RBM6: variants seen among roughly 807,000 people sequenced by gnomAD.
RBM6 encodes RNA binding motif protein 6, also known as RNA-binding protein 6.
RBM6 carries 23 observed loss-of-function variants against 140.4 expected under a neutral mutation model. That is an observed-to-expected ratio of 0.16 (90% CI 0.12 to 0.23). The LOEUF (loss-of-function observed/expected upper bound fraction) is 0.23, where lower values mean the gene tolerates loss of function less well. Ranked by LOEUF, RBM6 falls within the 10% of genes least tolerant of loss-of-function variation. The probability of loss-of-function intolerance (pLI) is 1.00; values close to 1 mark genes in which losing one functional copy is unlikely to be tolerated. For missense variants in RBM6, 1,139 were observed against 1,386.7 expected (o/e 0.82, Z 2.84); for synonymous variants, 439 against 475.6 (o/e 0.92, Z 1.00).
At chr3:50,049,567 A>T (rs2089378360) in intron 7 of RBM6, among the ~76,000 whole-genome samples, 1 of 152,166 alleles carries the variant, frequency 6.6e-6, no homozygotes, top group Non-Finnish European at 1.5e-5. Context: ...AAAATTTAGT[A>T]AAGACTTTAG....
intron 3 of RBM6, among the ~76,000 whole-genome samples, chr3:49,969,324 G>GTT (rs528548144): frequency 2.5e-4 from 31 of 122,202 alleles, no homozygotes; most frequent in African/African-American, 8.4e-4. Flanking sequence ...TGCCTGGCCA[G>GTT]TTTTTTTTTT....
chr3:50,061,116 T>A, intron 12 of RBM6, 24 bp from the exon 13 acceptor site: 2 of 1,614,126 alleles, frequency 1.2e-6, no homozygotes, highest in Non-Finnish European at 1.7e-6. Context: ...AGTTCTGTAA[T>A]TTTAACTTGC....
intron 5 of RBM6, among the ~76,000 whole-genome samples, chr3:49,982,892 A>G (rs1363484544): frequency 6.6e-6 from 1 of 150,962 alleles, no homozygotes; most frequent in Non-Finnish European, 1.5e-5. Flanking sequence ...TTGTATTTTT[A>G]GTAGAGACAG....
intron 6 of RBM6, among the ~76,000 whole-genome samples, chr3:50,017,424 G>C (rs1315336818): frequency 2.6e-5 from 4 of 152,002 alleles, no homozygotes; most frequent in African/African-American, 9.7e-5. Flanking sequence ...TGGGTGTGGT[G>C]GTGGGCGCCT....
At chr3:50,062,833 C>T (rs2089989679) in intron 15 of RBM6, among the ~76,000 whole-genome samples, 1 of 150,532 alleles carries the variant, frequency 6.6e-6, no homozygotes. Context: ...ATAACTGTAC[C>T]TTCATTTTCT....
intron 8 of RBM6, 130 bp from the exon 9 acceptor site, chr3:50,057,598 A>G: frequency 2.0e-6 from 1 of 501,372 alleles, no homozygotes; most frequent in Non-Finnish European, 3.1e-6. Flanking sequence ...AAAAAAAAAA[A>G]AAAAAAAAAA....
At chr3:49,982,693 C>T (rs1007900130) in intron 5 of RBM6, among the ~76,000 whole-genome samples, 1 of 151,668 alleles carries the variant, frequency 6.6e-6, no homozygotes, top group Non-Finnish European at 1.5e-5. Flanking sequence ...GCTGGGATTA[C>T]AGGTGTGAGC....
At chr3:50,073,999 G>A (rs2090385045) in intron 19 of RBM6, among the ~76,000 whole-genome samples, 1 of 151,898 alleles carries the variant, frequency 6.6e-6, no homozygotes, top group South Asian at 2.1e-4. Context: ...ATGGGCTAAT[G>A]TTTGTATTTT....
At chr3:49,966,560 A>G (rs1331895246) in intron 2 of RBM6, among the ~76,000 whole-genome samples, 2 of 152,188 alleles carry the variant, frequency 1.3e-5, no homozygotes, top group Non-Finnish European at 2.9e-5. Context: ...ATTTAATACT[A>G]TGTCTATTTT....
intron 4 of RBM6, among the ~76,000 whole-genome samples, chr3:49,974,220 A>C (rs1392889989): frequency 6.6e-6 from 1 of 151,072 alleles, no homozygotes; most frequent in Non-Finnish European, 1.5e-5. Context: ...GTACCTGAGA[A>C]TTTTTAAATA....
intron 6 of RBM6, among the ~76,000 whole-genome samples, chr3:50,046,373 A>T (rs1300370698): frequency 6.6e-6 from 1 of 151,744 alleles, no homozygotes; most frequent in Admixed American, 6.6e-5. Context: ...TAAGGTTGGG[A>T]ATTCGAGACC....
At chr3:50,037,970 C>T (rs1027377380) in intron 6 of RBM6, among the ~76,000 whole-genome samples, 2 of 151,792 alleles carry the variant, frequency 1.3e-5, no homozygotes, top group African/African-American at 2.4e-5. Context: ...TACAGGCGCC[C>T]GCCACCATGC....
intron 6 of RBM6, 116 bp downstream of exon 6, chr3:49,999,629 T>C (rs2086234253): frequency 1.1e-6 from 1 of 887,108 alleles, no homozygotes; most frequent in African/African-American, 1.7e-5. Context: ...CTGTGGAGCA[T>C]ACTGTATTCC....
At chr3:50,044,488 CA>C (rs1223527024) in intron 6 of RBM6, among the ~76,000 whole-genome samples, 1 of 151,222 alleles carries the variant, frequency 6.6e-6, no homozygotes, top group East Asian at 2.0e-4. Flanking sequence ...GAGGCCGAGG[CA>C]GGAGAATTGC....
Position 50,061,970 on chromosome 3 carries a change from C to G in RBM6, c.2448C>G (p.Val816=). The change falls in exon 15 of 21, where the codon GTC becomes GTG. Residue 816 remains valine (V), a synonymous_variant. Coordinates refer to ENST00000266022, the MANE Select transcript of RBM6 (RefSeq NM_005777.3). ...TYYDPNTQQE[V]YVPQDPGLPE... The stretch of plus-strand genomic sequence containing the variant: ...TTCCAACTGTATCGCAGCAAGAAGT[C>G]TATGTGCCCCAGGATCCTGGATTAC... The G allele has an allele frequency of 6.2e-7, 1 of 1,612,886 alleles. No individual in the cohort carries two copies. The highest frequency in any genetic ancestry group is 8.5e-7 in the Non-Finnish European group (1 of 1,179,698).
chr3:49,975,254 T>C, intron 4 of RBM6, 69 bp from the exon 5 acceptor site: 1 of 1,315,320 alleles, frequency 7.6e-7, no homozygotes, highest in Non-Finnish European at 1.1e-6. Context: ...TAAAAACTGT[T>C]AGGGAAAATC....
chr3:50,067,726 T>C (rs935690716), intron 17 of RBM6, among the ~76,000 whole-genome samples: 5 of 152,252 alleles, frequency 3.3e-5, no homozygotes, highest in Admixed American at 6.5e-5. Flanking sequence ...AGTCCCTAAA[T>C]GGACTCACAT....
rs555819576 is a variant in RBM6 at position 50,061,376 on chromosome 3, A to G, written c.2354-86A>G. ...GTAGATGCACCTATTTGTGTTGGTCACCCTAATTCTTGGGTTCTTGATGAG... is the reference window on the plus strand; with the variant it reads ...GTAGATGCACCTATTTGTGTTGGTCGCCCTAATTCTTGGGTTCTTGATGAG... On this transcript the variant is annotated intron_variant, in intron 13 of 20. Coordinates refer to ENST00000266022, the MANE Select transcript of RBM6 (RefSeq NM_005777.3). 7.6e-6 allele frequency: 12 copies of G among 1,576,158 alleles called. 1 individual carries two copies. In the South Asian group the frequency reaches 1.2e-4, roughly 15 times the overall value.
chr3:49,988,158 AT>A (rs1175520083), intron 5 of RBM6, among the ~76,000 whole-genome samples: 2 of 151,970 alleles, frequency 1.3e-5, no homozygotes, highest in Non-Finnish European at 2.9e-5. Context: ...TTAAAAAAGT[AT>A]TTTGAGACAG....
Sources: allele counts gnomAD v4.1 joint callset (sites outside exome capture counted in the v4.1 genomes callset), GRCh38; gene constraint gnomAD v4.1.1; transcripts MANE v1.5; gene names NCBI Gene and HGNC (gene_info 2026-07-23, HGNC 2026-07-21).